COL5A2: variants seen among roughly 807,000 people sequenced by gnomAD.
The protein encoded by COL5A2 is collagen alpha-2(V) chain.
In COL5A2, 23 loss-of-function variants were observed where a neutral mutation model predicts 208.2. The observed-to-expected ratio is 0.11, with a 90% CI of 0.08 to 0.16. The LOEUF (loss-of-function observed/expected upper bound fraction) is 0.16, where lower values mean the gene tolerates loss of function less well. COL5A2 is among the 10% of genes least tolerant of loss of function. COL5A2 has a pLI of 1.00. For synonymous variants in COL5A2, 625 were observed against 628.5 expected, an observed-to-expected ratio of 0.99 and a Z score of 0.08; for missense variants, 1,590 against 1,956.4, an observed-to-expected ratio of 0.81 and a Z score of 3.53.
At chr2:189,046,634 G>A (rs1019656149) in intron 45 of COL5A2, among the ~76,000 whole-genome samples, 5 of 152,074 alleles carry the variant, frequency 3.3e-5, no homozygotes, top group Non-Finnish European at 7.4e-5. Flanking sequence ...TGAGATAAGC[G>A]TTATATGAAC....
intron 6 of COL5A2, among the ~76,000 whole-genome samples, 178 bp from the exon 7 acceptor site, chr2:189,092,598 ACTT>A (rs1257147848): frequency 2.0e-5 from 3 of 152,198 alleles, no homozygotes; most frequent in Non-Finnish European, 4.4e-5. Flanking sequence ...ATAGGTCTGA[ACTT>A]CTACCATTCG....
At chr2:189,315,609 G>C in the COL5A2 span, among the ~76,000 whole-genome samples, 1 of 151,846 alleles carries the variant, frequency 6.6e-6, no homozygotes, top group East Asian at 1.9e-4. Flanking sequence ...AGAAAGAAAG[G>C]GTATTCGAAT....
At chr2:189,331,130 T>C in the COL5A2 span, among the ~76,000 whole-genome samples, 2 of 152,146 alleles carry the variant, frequency 1.3e-5, no homozygotes, top group Non-Finnish European at 2.9e-5. Context: ...ATGGAAATTA[T>C]AGAACTAAAA....
At chr2:189,124,578 T>C (rs755977888) in intron 1 of COL5A2, among the ~76,000 whole-genome samples, 2 of 152,076 alleles carry the variant, frequency 1.3e-5, no homozygotes, top group African/African-American at 2.4e-5. Context: ...AAAAAGTCAC[T>C]GAGGAAAAAT....
chr2:189,253,428 C>T, the COL5A2 span, among the ~76,000 whole-genome samples: 2 of 152,302 alleles, frequency 1.3e-5, no homozygotes, highest in East Asian at 1.9e-4. Context: ...TACTCCATAC[C>T]GAGTTCTTGG....
chr2:189,347,381 A>T, the COL5A2 span, among the ~76,000 whole-genome samples: 9 of 152,188 alleles, frequency 5.9e-5, 1 homozygote, highest in South Asian at 1.9e-3. Flanking sequence ...AGAGGGAGGT[A>T]AGAAAAAAAT....
chr2:189,241,560 C>T, the COL5A2 span, among the ~76,000 whole-genome samples: 1 of 152,154 alleles, frequency 6.6e-6, no homozygotes, highest in Non-Finnish European at 1.5e-5. Context: ...AGGGCATGCA[C>T]CTGTAGTCCC....
At chr2:189,126,738 T>C (rs1424313666) in intron 1 of COL5A2, among the ~76,000 whole-genome samples, 2 of 152,094 alleles carry the variant, frequency 1.3e-5, no homozygotes, top group African/African-American at 4.8e-5. Flanking sequence ...CAGTGTGCCA[T>C]GTAGGGGATT....
chr2:189,343,246 T>C, the COL5A2 span, among the ~76,000 whole-genome samples: 1 of 152,092 alleles, frequency 6.6e-6, no homozygotes, highest in Non-Finnish European at 1.5e-5. Context: ...TTTAGATAAA[T>C]TCTGAATTAG....
At chr2:189,246,085 T>C in the COL5A2 span, among the ~76,000 whole-genome samples, 1 of 152,194 alleles carries the variant, frequency 6.6e-6, no homozygotes, top group Non-Finnish European at 1.5e-5. Flanking sequence ...TAAACAGAAA[T>C]ACGTTATTTT....
At chr2:189,072,391 T>C (rs952085495) in intron 17 of COL5A2, among the ~76,000 whole-genome samples, 3 of 152,224 alleles carry the variant, frequency 2.0e-5, no homozygotes, top group African/African-American at 7.2e-5. Context: ...AGATGTACTT[T>C]CTTTGTGTTA....
At chr2:189,146,363 A>G (rs1688040350) in intron 1 of COL5A2, among the ~76,000 whole-genome samples, 1 of 152,134 alleles carries the variant, frequency 6.6e-6, no homozygotes, top group South Asian at 2.1e-4. Context: ...AAAACATTGG[A>G]TAAAGTATAA....
Position 189,152,779 on chromosome 2 carries a change from T to C in COL5A2, c.97+26729A>G, listed in dbSNP as rs1043988085. Among the ~76,000 whole-genome samples the C allele has an allele frequency of 7.2e-5, 11 of 151,940 alleles. No homozygotes were observed. The South Asian group carries it at 1.0e-3, about 14-fold the overall frequency. ...GGGTGGAGAGCATTGTAGAAGTAAG[T>C]TGGGGGAGGGTGGCGAGGAATCAAA... On this transcript the variant is annotated intron_variant, in intron 1 of 53. Coordinates refer to ENST00000374866, the MANE Select transcript of COL5A2 (RefSeq NM_000393.5).
intron 1 of COL5A2, among the ~76,000 whole-genome samples, chr2:189,112,822 C>T: frequency 6.6e-6 from 1 of 152,122 alleles, no homozygotes; most frequent in East Asian, 1.9e-4. Flanking sequence ...ATCAAATAAA[C>T]AGTGTGACTT....
At chr2:189,381,453 G>A in the COL5A2 span, among the ~76,000 whole-genome samples, 1 of 152,000 alleles carries the variant, frequency 6.6e-6, no homozygotes, top group South Asian at 2.1e-4. Context: ...ATTAAGCAAT[G>A]TCTGGAAAGA....
chr2:189,072,153 A>G (rs1686289566), intron 17 of COL5A2, 60 bp from the exon 18 acceptor site: 1 of 1,218,476 alleles, frequency 8.2e-7, no homozygotes, highest in Admixed American at 1.8e-5. Context: ...TAATTAGGTC[A>G]TTTTTTAGAG....
At chr2:189,148,647 A>G (rs1688086313) in intron 1 of COL5A2, among the ~76,000 whole-genome samples, 1 of 152,222 alleles carries the variant, frequency 6.6e-6, no homozygotes, top group African/African-American at 2.4e-5. Context: ...AAATGCTATA[A>G]CAATCAAAAA....
chr2:189,107,412 A>G (rs747089500), intron 2 of COL5A2, among the ~76,000 whole-genome samples: 1 of 151,562 alleles, frequency 6.6e-6, no homozygotes, highest in Non-Finnish European at 1.5e-5. Context: ...TTCATTAGGT[A>G]ATTTTTTCTT....
intron 1 of COL5A2, among the ~76,000 whole-genome samples, chr2:189,208,541 G>T (rs1268002771): frequency 6.6e-6 from 1 of 152,214 alleles, no homozygotes; most frequent in Non-Finnish European, 1.5e-5. Flanking sequence ...CAGAGCAAAG[G>T]TCATGGTGCA....
Sources: gnomAD v4.1 joint callset for allele counts (sites outside exome capture counted in the v4.1 genomes callset) on GRCh38, gnomAD v4.1.1 for gene constraint, MANE v1.5 for transcripts, NCBI Gene and HGNC (gene_info 2026-07-23, HGNC 2026-07-21) for gene names.